The following GNE variants were observed in gnomAD, a reference collection of about 807,000 sequenced individuals.
GNE encodes the protein glucosamine (UDP-N-acetyl)-2-epimerase/N-acetylmannosamine kinase.
In GNE, 41 loss-of-function variants were observed where a neutral mutation model predicts 61.8. The observed-to-expected ratio is 0.66, with a 90% CI of 0.52 to 0.86. GNE has a LOEUF of 0.86. GNE is among the 40% of genes least tolerant of loss of function. GNE has a pLI of 0.00. For missense variants in GNE, 608 were observed against 909.1 expected, an observed-to-expected ratio of 0.67 and a Z score of 4.26; for synonymous variants, 264 against 326.4, an observed-to-expected ratio of 0.81 and a Z score of 2.06.
At chr9:36,252,821 C>T (rs1470374208) in intron 1 of GNE, among the ~76,000 whole-genome samples, 2 of 62,812 alleles carry the variant, frequency 3.2e-5, no homozygotes, top group Non-Finnish European at 8.3e-5. Flanking sequence ...AGTTCTTTTC[C>T]CTGGAAGCAG....
intron 5 of GNE, among the ~76,000 whole-genome samples, chr9:36,232,412 T>C (rs1459676289): frequency 6.7e-6 from 1 of 148,636 alleles, no homozygotes; most frequent in Non-Finnish European, 1.5e-5. Context: ...TGTCATGTCA[T>C]TCCTTCCCAT....
intron 5 of GNE, 51 bp downstream of exon 5, chr9:36,233,869 C>T: frequency 7.4e-7 from 1 of 1,343,282 alleles, no homozygotes; most frequent in Non-Finnish European, 1.1e-6. Context: ...CTTATAACAA[C>T]TCACGTATGT....
chr9:36,264,175 C>T (rs894993174), intron 1 of GNE, among the ~76,000 whole-genome samples: 4 of 151,960 alleles, frequency 2.6e-5, no homozygotes, highest in South Asian at 2.1e-4. Context: ...CTCTGTCACC[C>T]AGGCTTGAGT....
chr9:36,230,978 A>C (rs1055390879), intron 5 of GNE, among the ~76,000 whole-genome samples: 2 of 151,600 alleles, frequency 1.3e-5, no homozygotes, highest in African/African-American at 4.9e-5. Context: ...TTAGCCAGGC[A>C]TCTGATCCCC....
chr9:36,235,144 T>A (rs773328444), intron 4 of GNE, among the ~76,000 whole-genome samples: 91 of 152,140 alleles, frequency 6.0e-4, no homozygotes, highest in Non-Finnish European at 4.4e-4. Flanking sequence ...CCTTTGAGCG[T>A]CATATTGGTG....
chr9:36,242,075 G>A (rs1419481825), intron 3 of GNE, among the ~76,000 whole-genome samples: 1 of 152,018 alleles, frequency 6.6e-6, no homozygotes, highest in Non-Finnish European at 1.5e-5. Context: ...GGCAGAGGTT[G>A]CAGTGAGTCG....
intron 1 of GNE, among the ~76,000 whole-genome samples, chr9:36,268,272 C>T (rs1430507304): frequency 6.6e-6 from 1 of 152,180 alleles, no homozygotes; most frequent in African/African-American, 2.4e-5. Context: ...ACAGCCATTC[C>T]AGAAGAACTG....
chr9:36,257,861 C>G (rs939930396), intron 1 of GNE, among the ~76,000 whole-genome samples: 2 of 120,100 alleles, frequency 1.7e-5, no homozygotes, highest in African/African-American at 6.6e-5. Flanking sequence ...GGGGAATTAA[C>G]GTTTCTCAAA....
chr9:36,217,619 T>A lies in GNE; in HGVS notation c.1934-19A>T. On this transcript the variant is annotated intron_variant, in intron 11 of 11. Coordinates refer to ENST00000642385, the MANE Select transcript of GNE (RefSeq NM_005476.7). ...GTTCCAGCTATAGGGAGACAAAAAT[T>A]AAAATGAGTTTCTGAGAGAAGCCAA... The A allele has an allele frequency of 6.6e-7, 1 of 1,521,684 alleles. No individual in the cohort carries two copies. 94.3% of individuals were successfully genotyped at this position (1,521,684 alleles called of 1,614,324 possible). A position where few individuals can be genotyped will look rare whatever the true frequency, so the allele number is the denominator to read the frequency against.
chr9:36,254,899 C>A (rs959913410), intron 1 of GNE, among the ~76,000 whole-genome samples: 1 of 151,548 alleles, frequency 6.6e-6, no homozygotes, highest in African/African-American at 2.4e-5. Context: ...TTGCAGTGAG[C>A]CGAGATCCTG....
intron 3 of GNE, among the ~76,000 whole-genome samples, chr9:36,237,263 A>G (rs1829432668): frequency 1.3e-5 from 2 of 152,190 alleles, no homozygotes; most frequent in Non-Finnish European, 2.9e-5. Flanking sequence ...TTAAAACCCA[A>G]ACTATTCCAA....
chr9:36,276,018 T>TA (rs944759205), intron 1 of GNE, among the ~76,000 whole-genome samples: 6 of 152,060 alleles, frequency 3.9e-5, no homozygotes, highest in Admixed American at 3.3e-4. Flanking sequence ...ACAAAAAATT[T>TA]AAAAGTTTGC....
In GNE at chr9:36,217,021, G is replaced by A; in HGVS notation, c.*344C>T. 2.8e-6 allele frequency: 1 copy of A among 355,366 alleles called. No individual in the cohort carries two copies. Among genetic ancestry groups the A allele is most frequent in the East Asian group, 7.0e-5 (1 of 14,378 alleles). The allele number at this position is 355,366 out of a possible 1,614,324, so 22.0% of individuals were successfully genotyped here. On this transcript the variant is annotated 3_prime_UTR_variant, in exon 12 of 12. Coordinates refer to ENST00000642385, the MANE Select transcript of GNE (RefSeq NM_005476.7). ...CAGGATGAAGTGATATCCCAGGCAA[G>A]GCCTGAAGGTCTCAGTGGTATTAAT...
chr9:36,228,052 C>CAAAAAAAAAAAAAAAAAAAAAAAAA (rs1828973275), intron 6 of GNE, among the ~76,000 whole-genome samples: 1 of 127,010 alleles, frequency 7.9e-6, no homozygotes, highest in African/African-American at 3.2e-5. Context: ...AAAAAAAAAA[C>CAAAAAAAAAAAAAAAAAAAAAAAAA]AACCAACAAT....
At chr9:36,257,353 A>G (rs1374974236) in intron 1 of GNE, among the ~76,000 whole-genome samples, 1 of 152,184 alleles carries the variant, frequency 6.6e-6, no homozygotes, top group Admixed American at 6.6e-5. Flanking sequence ...TCTGAAAGTC[A>G]GGGCCCCATT....
At chr9:36,231,081 A>AAAAAAAAAAAAG (rs1554660476) in intron 5 of GNE, among the ~76,000 whole-genome samples, 2 of 140,868 alleles carry the variant, frequency 1.4e-5, no homozygotes, top group Admixed American at 7.1e-5. Context: ...AAAAAAAAAA[A>AAAAAAAAAAAAG]AAAGAAAGAA....
At chr9:36,268,523 T>C (rs1830892785) in intron 1 of GNE, among the ~76,000 whole-genome samples, 1 of 151,554 alleles carries the variant, frequency 6.6e-6, no homozygotes, top group Non-Finnish European at 1.5e-5. Context: ...GAAAATTAGC[T>C]GGGTATCGTG....
In GNE at chr9:36,215,613, A is replaced by ATGTTGAGAT. The variant is rs1418098006; in HGVS notation, c.*1751_*1752insATCTCAACA. 4 of 152,208 alleles carry ATGTTGAGAT rather than the reference A, an allele frequency of 2.6e-5. No individual in the cohort carries two copies. The highest frequency in any genetic ancestry group is 1.3e-4 in the Admixed American group (2 of 15,286). The allele number at this position is 152,208 out of a possible 1,614,324, so 9.4% of individuals were successfully genotyped here. Reference sequence around the variant, plus strand: ...CAAACACACCAAGTTCTATAAAATAAAAATTAAAACACCTACCTCATATGT... The same window carrying ATGTTGAGAT: ...CAAACACACCAAGTTCTATAAAATAATGTTGAGATAAATTAAAACACCTACCTCATATGT... On this transcript the variant is annotated 3_prime_UTR_variant, in exon 12 of 12. Transcript: ENST00000642385.
chr9:36,227,384 G>C lies in GNE; in HGVS notation c.1145C>G (p.Pro382Arg). ...KFLKSIDLQE[P>R]LQKKFCFPPV... is the part of the protein sequence containing the mutation. ...AGGAAAGCAGAATTTCTTTTGCAGT[G>C]GCTCTTGAAGATCGATAGATTTGAG... Residue 382 changes from proline to arginine, a missense_variant, in exon 7 of 12, where the codon CCA (proline) becomes CGA (arginine). Transcript: ENST00000642385. 1 of 1,611,910 alleles carries C rather than the reference G, an allele frequency of 6.2e-7. No homozygotes were observed. Among genetic ancestry groups the C allele is most frequent in the Non-Finnish European group, 8.5e-7 (1 of 1,178,004 alleles).
Sources: allele counts gnomAD v4.1 joint callset (sites outside exome capture counted in the v4.1 genomes callset), GRCh38; gene constraint gnomAD v4.1.1; transcripts MANE v1.5; gene names NCBI Gene and HGNC (gene_info 2026-07-23, HGNC 2026-07-21).